FHIT: variants seen among roughly 807,000 people sequenced by gnomAD.
The protein encoded by FHIT is bis(5'-adenosyl)-triphosphatase.
A neutral mutation model predicts 17.9 loss-of-function variants in FHIT; 19 were observed. The observed-to-expected ratio is 1.06, with a 90% CI of 0.74 to 1.56. The LOEUF (loss-of-function observed/expected upper bound fraction) is 1.56. FHIT is among the 40% of genes most tolerant of loss of function. The pLI is 0.00. For synonymous variants in FHIT, 81 were observed against 69.7 expected (o/e 1.16, Z -0.81); for missense variants, 248 against 189.2 (o/e 1.31, Z -1.82).
chr3:59,959,198 A>C (rs1707548962), intron 7 of FHIT, among the ~76,000 whole-genome samples: 1 of 152,180 alleles, frequency 6.6e-6, no homozygotes, highest in Admixed American at 6.5e-5. Context: ...GAGTGATGAC[A>C]ATCATCATTA....
intron 4 of FHIT, among the ~76,000 whole-genome samples, chr3:60,707,287 A>G (rs2041397992): frequency 6.6e-6 from 1 of 152,170 alleles, no homozygotes; most frequent in African/African-American, 2.4e-5. Flanking sequence ...TGATTCTATG[A>G]TCTACTATAA....
intron 5 of FHIT, among the ~76,000 whole-genome samples, chr3:60,110,481 C>G (rs1195765891): frequency 6.6e-6 from 1 of 152,096 alleles, no homozygotes; most frequent in Non-Finnish European, 1.5e-5. Flanking sequence ...CCAAAGATCA[C>G]CAAATAGACA....
chr3:59,961,784 A>C (rs1258396816), intron 7 of FHIT, among the ~76,000 whole-genome samples: 1 of 152,130 alleles, frequency 6.6e-6, no homozygotes, highest in Non-Finnish European at 1.5e-5. Context: ...CAGGTACCTC[A>C]GTTGGAAATG....
At chr3:60,361,994 T>C in intron 5 of FHIT, among the ~76,000 whole-genome samples, 1 of 152,184 alleles carries the variant, frequency 6.6e-6, no homozygotes, top group East Asian at 1.9e-4. Flanking sequence ...CAGCATCACA[T>C]CGTCACTCAA....
chr3:60,492,817 G>A (rs2034124587), intron 5 of FHIT, among the ~76,000 whole-genome samples: 1 of 152,124 alleles, frequency 6.6e-6, no homozygotes, highest in African/African-American at 2.4e-5. Context: ...GACATTACAG[G>A]TGAAAATCAG....
chr3:60,458,070 A>G (rs1008577052), intron 5 of FHIT, among the ~76,000 whole-genome samples: 4 of 152,192 alleles, frequency 2.6e-5, no homozygotes, highest in African/African-American at 9.7e-5. Context: ...TGACCCAGCC[A>G]TCCCATTACT....
intron 8 of FHIT, among the ~76,000 whole-genome samples, chr3:59,848,733 T>G (rs937130035): frequency 6.6e-6 from 1 of 152,220 alleles, no homozygotes; most frequent in African/African-American, 2.4e-5. Context: ...GCACTTAGAT[T>G]GTCTGAGGAA....
At chr3:60,998,375 A>G (rs552355188) in intron 3 of FHIT, among the ~76,000 whole-genome samples, 31 of 152,336 alleles carry the variant, frequency 2.0e-4, no homozygotes, top group African/African-American at 7.5e-4. Flanking sequence ...TTGGACTTCT[A>G]ATAAACTAGT....
At chr3:61,165,247 A>T (rs949713789) in intron 2 of FHIT, among the ~76,000 whole-genome samples, 7 of 152,222 alleles carry the variant, frequency 4.6e-5, no homozygotes, top group Admixed American at 1.3e-4. Context: ...CCTAATTTAC[A>T]TTCTCGACAA....
At chr3:60,011,233 G>A (rs746550058) in intron 7 of FHIT, 138 bp downstream of exon 7, 13 of 697,276 alleles carry the variant, frequency 1.9e-5, no homozygotes, top group South Asian at 5.7e-5. Context: ...CAGGATTTAC[G>A]GCTCTAACAC....
intron 8 of FHIT, among the ~76,000 whole-genome samples, chr3:59,920,242 T>C (rs751069068): frequency 6.6e-6 from 1 of 152,234 alleles, no homozygotes; most frequent in Non-Finnish European, 1.5e-5. Context: ...CACTGGGATT[T>C]GAACTTACTT....
At chr3:60,670,186 C>G (rs1321956620) in intron 4 of FHIT, among the ~76,000 whole-genome samples, 1 of 152,116 alleles carries the variant, frequency 6.6e-6, no homozygotes, top group Non-Finnish European at 1.5e-5. Flanking sequence ...TTATTTATTG[C>G]TTTAATCCAG....
intron 5 of FHIT, among the ~76,000 whole-genome samples, chr3:60,390,760 T>TA (rs1298343883): frequency 6.6e-6 from 1 of 151,596 alleles, no homozygotes; most frequent in African/African-American, 2.4e-5. Flanking sequence ...TATTTAAAAA[T>TA]AAAAAAATAC....
At chr3:60,465,222 A>AT (rs917961176) in intron 5 of FHIT, among the ~76,000 whole-genome samples, 1 of 150,994 alleles carries the variant, frequency 6.6e-6, no homozygotes, top group South Asian at 2.1e-4. Flanking sequence ...AGATTATTAG[A>AT]TTTTTTTTCC....
At chr3:60,516,486 C>G (rs1047802328) in intron 5 of FHIT, among the ~76,000 whole-genome samples, 1 of 152,050 alleles carries the variant, frequency 6.6e-6, no homozygotes, top group Non-Finnish European at 1.5e-5. Context: ...GGGGACCTTC[C>G]GGGGCCCCAG....
chr3:59,823,521 C>A (rs1489082088), intron 8 of FHIT, among the ~76,000 whole-genome samples: 6 of 151,838 alleles, frequency 4.0e-5, no homozygotes, highest in African/African-American at 4.8e-5. Flanking sequence ...GGTTTCATAC[C>A]AGGGATACAG....
In FHIT at chr3:60,672,215, G is replaced by A. The variant is rs553778345; in HGVS notation, c.-17-135236C>T. On this transcript the variant is annotated intron_variant, in intron 4 of 9. Transcript: ENST00000492590. ...TATTTTGTATCTTTCATGCACGTCC[G>A]TGTGAAGAGACCACCAAACAGGCTT... Among the ~76,000 whole-genome samples, 11 of 152,218 alleles carry A rather than the reference G, an allele frequency of 7.2e-5. No homozygotes were observed. The East Asian group carries it at 1.4e-3, about 19-fold the overall frequency.
intron 3 of FHIT, among the ~76,000 whole-genome samples, chr3:61,029,432 GA>G (rs967945816): frequency 2.0e-5 from 3 of 152,208 alleles, no homozygotes; most frequent in African/African-American, 7.2e-5. Context: ...AGATTGATGA[GA>G]TTTTTTTACT....
At chr3:60,443,567 G>A (rs556078258) in intron 5 of FHIT, among the ~76,000 whole-genome samples, 1 of 152,232 alleles carries the variant, frequency 6.6e-6, no homozygotes, top group Non-Finnish European at 1.5e-5. Context: ...TCATATGATG[G>A]ATTACATTTA....
Sources: allele counts gnomAD v4.1 joint callset (sites outside exome capture counted in the v4.1 genomes callset), GRCh38; gene constraint gnomAD v4.1.1; transcripts MANE v1.5; gene names NCBI Gene and HGNC (gene_info 2026-07-23, HGNC 2026-07-21).